The following OPRD1 variants were observed in gnomAD, a reference collection of about 807,000 sequenced individuals.
The protein encoded by OPRD1 is delta-type opioid receptor.
In OPRD1, 19 loss-of-function variants were observed where a neutral mutation model predicts 17.5. That is an observed-to-expected ratio of 1.09 (90% confidence interval 0.76 to 1.60). OPRD1 has a LOEUF of 1.60. OPRD1 is among the 40% of genes most tolerant of loss of function. The probability of loss-of-function intolerance (pLI) is 0.00; values close to 1 mark genes in which losing one functional copy is unlikely to be tolerated. For missense variants in OPRD1, 483 were observed against 547.2 expected (o/e 0.88, Z 1.17); for synonymous variants, 256 against 240.9 (o/e 1.06, Z -0.58).
chr1:28,818,286 C>T lies in OPRD1; in HGVS notation c.227+5676C>T, dbSNP rs546111314. ...GATGCTGACCCATGCCAGGCCTGTC[C>T]AGCCTCAGCTCTCACTGCCCAGACC... On this transcript the variant is annotated intron_variant, in intron 1 of 2. Coordinates refer to ENST00000234961, the MANE Select transcript of OPRD1 (RefSeq NM_000911.4). 4.2e-4 allele frequency among the ~76,000 whole-genome samples: 64 copies of T among 152,300 alleles called. 1 individual carries two copies. The highest frequency in any genetic ancestry group is 4.1e-3 in the South Asian group (20 of 4,822).
intron 1 of OPRD1, among the ~76,000 whole-genome samples, chr1:28,834,371 T>A (rs2124270665): frequency 8.8e-6 from 1 of 113,754 alleles, no homozygotes; most frequent in Admixed American, 1.2e-4. Context: ...AAGTATTTCT[T>A]TCTTTTTTTC....
intron 1 of OPRD1, among the ~76,000 whole-genome samples, chr1:28,834,069 G>A (rs1347803369): frequency 6.6e-6 from 1 of 152,042 alleles, no homozygotes; most frequent in Non-Finnish European, 1.5e-5. Flanking sequence ...ACTCCACCAT[G>A]CCTGACTAAT....
rs1425614462 is a variant in OPRD1, at chr1:28,870,257, T to C, written c.*6974T>C. ...CTTTTTTTTTTTCTTTCTTTCTTTC[T>C]TTTTTTTTTTTTAAGACAGAGTCTC... On this transcript the variant is annotated 3_prime_UTR_variant, in exon 3 of 3. Coordinates refer to ENST00000234961, the MANE Select transcript of OPRD1 (RefSeq NM_000911.4). 2.1e-5 allele frequency: 3 copies of C among 142,844 alleles called. No individual in the cohort carries two copies. The highest frequency in any genetic ancestry group is 4.0e-4 in the East Asian group (2 of 5,002). 8.8% of individuals were successfully genotyped at this position (142,844 alleles called of 1,614,324 possible). A position where few individuals can be genotyped will look rare whatever the true frequency, so the allele number is the denominator to read the frequency against.
rs1249304906 is a variant in OPRD1 at position 28,869,901 on chromosome 1, CTT to C, written c.*6619_*6620del. ...CTCTCCCCATCCATTTCTTCCTTGC[CTT>C]GGAAGTCCTGCTTGTTTGATAATTT... On this transcript the variant is annotated 3_prime_UTR_variant, in exon 3 of 3. Coordinates refer to ENST00000234961, the MANE Select transcript of OPRD1 (RefSeq NM_000911.4). The C allele has an allele frequency of 6.6e-6, 1 of 152,160 alleles. No individual in the cohort carries two copies. Among genetic ancestry groups the C allele is most frequent in the Non-Finnish European group, 1.5e-5 (1 of 68,044 alleles). The allele number at this position is 152,160 out of a possible 1,614,324, so 9.4% of individuals were successfully genotyped here. A position where few individuals can be genotyped will look rare whatever the true frequency, so the allele number is the denominator to read the frequency against.
rs546566953 is a variant in OPRD1 at position 28,817,041 on chromosome 1, A to G, written c.227+4431A>G. On this transcript the variant is annotated intron_variant, in intron 1 of 2. Transcript: ENST00000234961. ...TCTGCGCCCCGAGCTAGGTTTCAGC[A>G]GGTTTGTACCCTCGCAGCATGCCCT... Among the ~76,000 whole-genome samples the G allele has an allele frequency of 2.0e-5, 3 of 152,214 alleles. No homozygotes were observed. The East Asian group carries it at 5.8e-4, about 29-fold the overall frequency.
At chr1:28,845,988 T>G (rs1008559472) in intron 1 of OPRD1, among the ~76,000 whole-genome samples, 1 of 152,218 alleles carries the variant, frequency 6.6e-6, no homozygotes, top group Non-Finnish European at 1.5e-5. Flanking sequence ...CTTCAATGGC[T>G]TCCTGTTACA....
intron 1 of OPRD1, among the ~76,000 whole-genome samples, chr1:28,849,226 G>A (rs1050823767): frequency 6.6e-6 from 1 of 151,968 alleles, no homozygotes; most frequent in Non-Finnish European, 1.5e-5. Flanking sequence ...AACATAGTGA[G>A]ACCCTCATCT....
chr1:28,812,442 C>A lies in OPRD1; in HGVS notation c.59C>A (p.Ser20Ter). The part of the protein sequence containing the change: ...ELQPPLFANA[S>*]DAYPSACPSA... ...CAGCCCCCGCTCTTCGCCAACGCCTCGGACGCCTACCCTAGCGCCTGCCCC... is the reference window on the plus strand; with the variant it reads ...CAGCCCCCGCTCTTCGCCAACGCCTAGGACGCCTACCCTAGCGCCTGCCCC... The change falls in exon 1 of 3, where the codon TCG becomes TAG. Residue 20 changes from serine to a stop codon, truncating the protein, a stop_gained. Coordinates refer to ENST00000234961, the MANE Select transcript of OPRD1 (RefSeq NM_000911.4). LOFTEE classifies it high-confidence loss of function. The A allele has an allele frequency of 6.7e-7, 1 of 1,500,182 alleles. No homozygotes were observed. Among genetic ancestry groups the A allele is most frequent in the South Asian group, 1.2e-5 (1 of 80,266 alleles). 92.9% of individuals were successfully genotyped at this position (1,500,182 alleles called of 1,614,324 possible).
intron 1 of OPRD1, among the ~76,000 whole-genome samples, chr1:28,839,946 C>T (rs977118458): frequency 3.9e-5 from 6 of 152,152 alleles, no homozygotes; most frequent in Non-Finnish European, 7.4e-5. Context: ...GAGAGATGCT[C>T]TGATTCGATC....
At chr1:28,832,114 C>T (rs1383305464) in intron 1 of OPRD1, among the ~76,000 whole-genome samples, 1 of 152,104 alleles carries the variant, frequency 6.6e-6, no homozygotes, top group East Asian at 1.9e-4. Context: ...GAAGCAATGT[C>T]CATGAAGAAG....
At chr1:28,837,626 G>A (rs530847562) in intron 1 of OPRD1, among the ~76,000 whole-genome samples, 1 of 151,380 alleles carries the variant, frequency 6.6e-6, no homozygotes, top group East Asian at 1.9e-4. Context: ...CCAGCCTGGT[G>A]ACAGAGTGAG....
At chr1:28,814,215 C>G (rs1264788658) in intron 1 of OPRD1, among the ~76,000 whole-genome samples, 1 of 152,192 alleles carries the variant, frequency 6.6e-6, no homozygotes, top group Non-Finnish European at 1.5e-5. Context: ...GTATGAATCC[C>G]TGCTCTGCCA....
chr1:28,860,182 C>T lies in OPRD1; in HGVS notation c.577+879C>T, dbSNP rs143319304. Reference sequence around the variant, plus strand: ...GAGTTCCAGACCAGCCTGGCCAACACGGTGAAACCCTATCTTTACTAAAAG... The same window carrying T: ...GAGTTCCAGACCAGCCTGGCCAACATGGTGAAACCCTATCTTTACTAAAAG... On this transcript the variant is annotated intron_variant, in intron 2 of 2. Coordinates refer to ENST00000234961, the MANE Select transcript of OPRD1 (RefSeq NM_000911.4). Among the ~76,000 whole-genome samples, 1,002 of 152,128 alleles carry T rather than the reference C, an allele frequency of 6.6e-3. 12 individuals carry two copies. Among genetic ancestry groups the T allele is most frequent in the African/African-American group, 0.023 (966 of 41,500 alleles).
intron 1 of OPRD1, among the ~76,000 whole-genome samples, chr1:28,854,885 C>T (rs778141345): frequency 7.9e-5 from 12 of 151,740 alleles, no homozygotes; most frequent in Non-Finnish European, 1.0e-4. Context: ...CTCCTGACCT[C>T]GTGATCCACC....
At position 28,868,921 on chromosome 1, in the gene OPRD1, A is replaced by G. The variant is rs2089196381; in HGVS notation, c.*5638A>G. On this transcript the variant is annotated 3_prime_UTR_variant, in exon 3 of 3. Transcript: ENST00000234961. Reference sequence around the variant, plus strand: ...TCCTGAGAGGACTTGGAAGAACAACAGTCCAGGCTGGGCACCTGCTGGGTC... The same window carrying G: ...TCCTGAGAGGACTTGGAAGAACAACGGTCCAGGCTGGGCACCTGCTGGGTC... 6.6e-6 allele frequency: 1 copy of G among 152,002 alleles called. No individual in the cohort carries two copies. Among genetic ancestry groups the G allele is most frequent in the Admixed American group, 6.6e-5 (1 of 15,260 alleles). 9.4% of individuals were successfully genotyped at this position (152,002 alleles called of 1,614,324 possible).
rs1290629068 is a variant in OPRD1 at position 28,864,722 on chromosome 1, C to T, written c.*1439C>T. 1 of 126,740 alleles carries T rather than the reference C, an allele frequency of 7.9e-6. No homozygotes were observed. 7.9% of individuals were successfully genotyped at this position (126,740 alleles called of 1,614,324 possible). On this transcript the variant is annotated 3_prime_UTR_variant, in exon 3 of 3. Coordinates refer to ENST00000234961, the MANE Select transcript of OPRD1 (RefSeq NM_000911.4). ...GACAGAGGACCACCTACTTAGATCCCGTAGATGGTAAGTGGTGCCTGGGAC... is the reference window on the plus strand; with the variant it reads ...GACAGAGGACCACCTACTTAGATCCTGTAGATGGTAAGTGGTGCCTGGGAC...
At chr1:28,848,117 G>A (rs1362290466) in intron 1 of OPRD1, among the ~76,000 whole-genome samples, 1 of 151,936 alleles carries the variant, frequency 6.6e-6, no homozygotes, top group Non-Finnish European at 1.5e-5. Flanking sequence ...GCGGGATGGC[G>A]GGTACCTGTA....
At chr1:28,857,469 A>C (rs1283244396) in intron 1 of OPRD1, among the ~76,000 whole-genome samples, 4 of 151,654 alleles carry the variant, frequency 2.6e-5, no homozygotes, top group Non-Finnish European at 5.9e-5. Context: ...CTTTTCTTTT[A>C]TTTACTTATT....
At chr1:28,821,293 G>T (rs1417250939) in intron 1 of OPRD1, among the ~76,000 whole-genome samples, 2 of 152,052 alleles carry the variant, frequency 1.3e-5, no homozygotes, top group African/African-American at 4.8e-5. Flanking sequence ...AGTAGAGATG[G>T]GGTGTCACCA....
Sources: allele counts gnomAD v4.1 joint callset (sites outside exome capture counted in the v4.1 genomes callset), GRCh38; gene constraint gnomAD v4.1.1; transcripts MANE v1.5; gene names NCBI Gene and HGNC (gene_info 2026-07-23, HGNC 2026-07-21).